The following CDH3 variants were observed in gnomAD, a reference collection of about 807,000 sequenced individuals.
CDH3 encodes the protein cadherin-3.
CDH3 carries 54 observed loss-of-function variants against 82.0 expected under a neutral mutation model. That is an observed-to-expected ratio of 0.66 (90% CI 0.53 to 0.83). The LOEUF (loss-of-function observed/expected upper bound fraction) is 0.83. Ranked by LOEUF, CDH3 falls within the 40% of genes least tolerant of loss-of-function variation. The probability of loss-of-function intolerance (pLI) is 0.00; values close to 1 mark genes in which losing one functional copy is unlikely to be tolerated. For synonymous variants in CDH3, 446 were observed against 437.9 expected, an observed-to-expected ratio of 1.02 and a Z score of -0.23; for missense variants, 1,054 against 1,084.6, an observed-to-expected ratio of 0.97 and a Z score of 0.40.
intron 1 of CDH3, among the ~76,000 whole-genome samples, chr16:68,720,469 C>T (rs1010490213): frequency 6.6e-6 from 1 of 151,976 alleles, no homozygotes; most frequent in African/African-American, 2.4e-5. Context: ...GTTTCTTAGC[C>T]CAGAAAGGGA....
rs760094783 is a variant in CDH3, at chr16:68,695,358, C to A, written c.2106C>A (p.Gly702=). ...CCCGTGACAACGTCTTCTACTATGG[C>A]GAAGAGGGGGGTGGCGAAGAGGACC... is the stretch of plus-strand genomic sequence containing the variant. ...DDTRDNVFYY[G]EEGGGEEDQD... Residue 702 remains glycine, a synonymous_variant, in exon 14 of 16, where the codon GGC becomes GGA. Coordinates refer to ENST00000264012, the MANE Select transcript of CDH3 (RefSeq NM_001793.6). 5 of 1,613,092 alleles carry A rather than the reference C, an allele frequency of 3.1e-6. No individual in the cohort carries two copies. Among genetic ancestry groups the A allele is most frequent in the Non-Finnish European group, 4.2e-6 (5 of 1,179,646 alleles).
chr16:68,670,915 A>G (rs1960867462), intron 2 of CDH3, among the ~76,000 whole-genome samples: 1 of 152,034 alleles, frequency 6.6e-6, no homozygotes, highest in Admixed American at 6.5e-5. Flanking sequence ...TCTACTAAGA[A>G]TACAAAAATT....
intron 11 of CDH3, chr16:68,686,755 CAT>C: frequency 1.5e-6 from 1 of 657,362 alleles, no homozygotes; most frequent in Admixed American, 2.3e-5. Context: ...AACCTTTCAT[CAT>C]GTAAATAATT....
chr16:68,671,996 T>C (rs371548350), intron 2 of CDH3, among the ~76,000 whole-genome samples: 1 of 152,136 alleles, frequency 6.6e-6, no homozygotes, highest in East Asian at 1.9e-4. Flanking sequence ...CAGGTAGTCA[T>C]GGCCAAATGG....
chr16:68,646,069 A>T (rs564405583), intron 2 of CDH3: 1 of 385,556 alleles, frequency 2.6e-6, no homozygotes, highest in African/African-American at 2.1e-5. Flanking sequence ...CAGCAGAGGA[A>T]TGCGCCGGCC....
intron 7 of CDH3, 114 bp from the exon 8 acceptor site, chr16:68,680,854 A>T (rs1168230523): frequency 6.8e-6 from 8 of 1,183,338 alleles, no homozygotes; most frequent in Non-Finnish European, 1.0e-5. Flanking sequence ...GCGTTATGAT[A>T]GGGAGAGATC....
intron 12 of CDH3, among the ~76,000 whole-genome samples, chr16:68,688,051 G>A (rs188069184): frequency 5.1e-4 from 77 of 151,350 alleles, no homozygotes; most frequent in Non-Finnish European, 8.7e-4. Context: ...TGTTGGCTAC[G>A]ATCACTGTGC....
downstream of CDH3, among the ~76,000 whole-genome samples, chr16:68,704,881 C>G (rs1487396255): frequency 2.0e-5 from 3 of 152,176 alleles, no homozygotes; most frequent in African/African-American, 4.8e-5. Context: ...CATAGTGAGA[C>G]CCCATCTCTA....
At chr16:68,709,267 G>T (rs759479326) in intron 1 of CDH3, among the ~76,000 whole-genome samples, 1 of 151,942 alleles carries the variant, frequency 6.6e-6, no homozygotes, top group Non-Finnish European at 1.5e-5. Flanking sequence ...TAAGGAAGGG[G>T]TCTCACTGTG....
At position 68,645,758 on chromosome 16, in the gene CDH3, C is replaced by T. The variant is rs773427804; in HGVS notation, c.160+8C>T. On this transcript the variant is annotated splice_region_variant and intron_variant, in intron 2 of 15. Transcript: ENST00000264012. ...GCCAGGCGCTGGGGAAAGGTAAGAT[C>T]CTCAGGGTGGAACCGCAGGGTAGGG... The T allele has an allele frequency of 1.3e-6, 2 of 1,538,840 alleles. No homozygotes were observed. Among genetic ancestry groups the T allele is most frequent in the South Asian group, 1.2e-5 (1 of 83,748 alleles).
downstream of CDH3, among the ~76,000 whole-genome samples, chr16:68,702,233 A>G (rs1208533903): frequency 2.6e-5 from 4 of 152,030 alleles, no homozygotes; most frequent in South Asian, 6.2e-4. Flanking sequence ...AACATGGCAT[A>G]TTGACTTACT....
At chr16:68,709,353 C>T (rs148442070) in intron 1 of CDH3, among the ~76,000 whole-genome samples, 1 of 151,890 alleles carries the variant, frequency 6.6e-6, no homozygotes. Flanking sequence ...ATTACAGGCA[C>T]GAGCCCCTGC....
At chr16:68,713,500 A>G (rs1372058935) in intron 1 of CDH3, among the ~76,000 whole-genome samples, 2 of 151,558 alleles carry the variant, frequency 1.3e-5, no homozygotes, top group East Asian at 1.9e-4. Flanking sequence ...ACCTCCCCTG[A>G]CCTAGGCCAA....
intron 2 of CDH3, among the ~76,000 whole-genome samples, chr16:68,670,034 C>T (rs1030393593): frequency 2.0e-5 from 3 of 151,932 alleles, no homozygotes; most frequent in African/African-American, 7.3e-5. Flanking sequence ...ACCAGCCTGA[C>T]CAACATAGTG....
Position 68,679,911 on chromosome 16 carries a change from C to T in CDH3, c.804C>T (p.Leu268=). 6.2e-7 allele frequency: 1 copy of T among 1,614,116 alleles called. No homozygotes were observed. Among genetic ancestry groups the T allele is most frequent in the Non-Finnish European group, 8.5e-7 (1 of 1,180,016 alleles). ...AAGAACCAAAGGACCCACACGACCT[C>T]ATGTTCACCATTCACCGGAGCACAG... The part of the protein sequence containing the change: ...HSQEPKDPHD[L]MFTIHRSTGT... The change falls in exon 7 of 16, where the codon CTC becomes CTT. Residue 268 remains leucine, a synonymous_variant. Transcript: ENST00000264012.
At chr16:68,724,452 G>T (rs1454569895) in intron 2 of CDH3, among the ~76,000 whole-genome samples, 1 of 151,734 alleles carries the variant, frequency 6.6e-6, no homozygotes, top group Non-Finnish European at 1.5e-5. Context: ...GCACCTGACT[G>T]TACAGAAAAT....
At chr16:68,731,387 AAAAAAAAAAT>A (rs1479040728), downstream of CDH3, among the ~76,000 whole-genome samples, 3 of 9,136 alleles carry the variant, frequency 3.3e-4, no homozygotes, top group Admixed American at 8.1e-4. Context: ...AAAAAAAAAA[AAAAAAAAAAT>A]ATATATATAT....
intron 9 of CDH3, among the ~76,000 whole-genome samples, chr16:68,683,001 A>C (rs1440065460): frequency 6.6e-6 from 1 of 152,134 alleles, no homozygotes; most frequent in African/African-American, 2.4e-5. Flanking sequence ...TATTCCCAGC[A>C]CTTTAGGAGG....
At chr16:68,693,142 C>G (rs1336076032) in intron 13 of CDH3, among the ~76,000 whole-genome samples, 2 of 152,110 alleles carry the variant, frequency 1.3e-5, no homozygotes, top group Non-Finnish European at 2.9e-5. Context: ...GAAATTAGGT[C>G]AGAGCAGTGA....
Sources: gnomAD v4.1 joint callset for allele counts (sites outside exome capture counted in the v4.1 genomes callset) on GRCh38, gnomAD v4.1.1 for gene constraint, MANE v1.5 for transcripts, NCBI Gene and HGNC (gene_info 2026-07-23, HGNC 2026-07-21) for gene names.